RBFOX1: variants seen among roughly 807,000 people sequenced by gnomAD.
The protein encoded by RBFOX1 is RNA binding fox-1 homolog 1, also known as RNA binding protein fox-1 homolog 1.
Under a neutral mutation model 57.7 loss-of-function variants are expected in RBFOX1, and 8 were observed. The observed-to-expected ratio is 0.14, with a 90% CI of 0.08 to 0.25. The LOEUF is 0.25. RBFOX1 is among the 10% of genes least tolerant of loss of function. The pLI is 1.00. For missense variants in RBFOX1, 611 were observed against 548.5 expected (o/e 1.11, Z -1.14); for synonymous variants, 326 against 222.4 (o/e 1.47, Z -4.15).
chr16:6,859,913 G>C (rs548166187), intron 3 of RBFOX1, among the ~76,000 whole-genome samples: 1 of 152,140 alleles, frequency 6.6e-6, no homozygotes, highest in African/African-American at 2.4e-5. Flanking sequence ...TTATTGATGA[G>C]GGCTGATTAA....
At chr16:6,819,725 A>T (rs2090912377) in intron 3 of RBFOX1, among the ~76,000 whole-genome samples, 1 of 141,496 alleles carries the variant, frequency 7.1e-6, no homozygotes, top group Non-Finnish European at 1.5e-5. Flanking sequence ...AAAAAAAAAA[A>T]AAAAAATAAC....
chr16:6,971,102 T>C (rs1457678221), intron 3 of RBFOX1, among the ~76,000 whole-genome samples: 1 of 152,192 alleles, frequency 6.6e-6, no homozygotes, highest in African/African-American at 2.4e-5. Context: ...ATGGTAGTTA[T>C]AATCTAGCGG....
chr16:6,998,873 A>G (rs1458095160), intron 3 of RBFOX1, among the ~76,000 whole-genome samples: 32 of 151,798 alleles, frequency 2.1e-4, no homozygotes, highest in East Asian at 1.9e-4. Flanking sequence ...AAGTATTATT[A>G]TTATTATTAT....
intron 3 of RBFOX1, among the ~76,000 whole-genome samples, chr16:7,049,351 G>C (rs139222027): frequency 5.3e-5 from 8 of 152,288 alleles, no homozygotes; most frequent in East Asian, 3.9e-4. Context: ...TAGATGTTAA[G>C]TGTCTGCAGC....
intron 4 of RBFOX1, among the ~76,000 whole-genome samples, chr16:7,288,944 G>A (rs1297861805): frequency 6.6e-6 from 1 of 152,214 alleles, no homozygotes; most frequent in Non-Finnish European, 1.5e-5. Context: ...TTTGTCTGGT[G>A]AGAGGCAGGG....
At chr16:6,920,919 G>C (rs1164991020) in intron 3 of RBFOX1, among the ~76,000 whole-genome samples, 1 of 152,190 alleles carries the variant, frequency 6.6e-6, no homozygotes, top group East Asian at 1.9e-4. Flanking sequence ...CTTGGACATA[G>C]GTTTTTGCAG....
intron 4 of RBFOX1, among the ~76,000 whole-genome samples, chr16:7,139,143 C>G (rs918050466): frequency 3.5e-4 from 48 of 135,618 alleles, no homozygotes; most frequent in African/African-American, 1.3e-3. Flanking sequence ...GTCTGGACAT[C>G]TCTTTTATAA....
At chr16:6,272,481 A>G (rs2152677981) in intron 1 of RBFOX1, among the ~76,000 whole-genome samples, 1 of 152,322 alleles carries the variant, frequency 6.6e-6, no homozygotes, top group East Asian at 1.9e-4. Context: ...ATGGATTGGA[A>G]GGCTCATCAT....
intron 1 of RBFOX1, among the ~76,000 whole-genome samples, chr16:6,213,315 G>T (rs938638285): frequency 6.6e-6 from 1 of 152,120 alleles, no homozygotes; most frequent in Non-Finnish European, 1.5e-5. Flanking sequence ...CAGCTCAGCT[G>T]ATCTGTTCCA....
At chr16:5,595,554 T>C (rs1300622857) in intron 2 of RBFOX1, among the ~76,000 whole-genome samples, 3 of 152,148 alleles carry the variant, frequency 2.0e-5, no homozygotes, top group African/African-American at 7.2e-5. Flanking sequence ...GGGTTGCAGA[T>C]CAGATCTTCT....
intron 3 of RBFOX1, among the ~76,000 whole-genome samples, chr16:6,982,089 C>G (rs1270701758): frequency 6.6e-6 from 1 of 152,086 alleles, no homozygotes; most frequent in South Asian, 2.1e-4. Context: ...GTTTATATAA[C>G]AAGAATGTGG....
chr16:6,872,429 A>G lies in RBFOX1; in HGVS notation c.-15-179628A>G, dbSNP rs1020083037. Among the ~76,000 whole-genome samples, 62 of 152,216 alleles carry G rather than the reference A, an allele frequency of 4.1e-4. 2 individuals carry two copies. Among genetic ancestry groups the G allele is most frequent in the Admixed American group, 6.5e-5 (1 of 15,290 alleles). ...TTAATCGATCACCTTTTAACACTTT[A>G]AGAACTATTTCTAAAAACTCAACTT... On this transcript the variant is annotated intron_variant, in intron 3 of 15. Transcript: ENST00000550418.
At chr16:6,225,613 C>A (rs1598536182) in intron 1 of RBFOX1, among the ~76,000 whole-genome samples, 1 of 152,122 alleles carries the variant, frequency 6.6e-6, no homozygotes, top group South Asian at 2.1e-4. Flanking sequence ...ACAATGAAAA[C>A]TGGAAGAAAG....
intron 1 of RBFOX1, among the ~76,000 whole-genome samples, chr16:6,051,440 G>A (rs1240013646): frequency 1.3e-5 from 2 of 152,128 alleles, no homozygotes; most frequent in African/African-American, 2.4e-5. Flanking sequence ...CGATTCTCAT[G>A]CCTCCACCTT....
chr16:7,597,060 G>A (rs1414780926), intron 8 of RBFOX1, among the ~76,000 whole-genome samples: 1 of 152,026 alleles, frequency 6.6e-6, no homozygotes, highest in Non-Finnish European at 1.5e-5. Context: ...TGTTACCATG[G>A]AGTACACGCA....
chr16:6,183,450 A>G (rs2152795437), intron 1 of RBFOX1, among the ~76,000 whole-genome samples: 1 of 151,836 alleles, frequency 6.6e-6, no homozygotes, highest in Non-Finnish European at 1.5e-5. Context: ...ATTGTGCTCC[A>G]GTCTGGGTGA....
intron 4 of RBFOX1, among the ~76,000 whole-genome samples, chr16:7,249,569 T>G (rs568123187): frequency 2.0e-5 from 3 of 151,194 alleles, no homozygotes; most frequent in Admixed American, 2.0e-4. Flanking sequence ...CTATATATTA[T>G]GAAAATTTCC....
chr16:7,559,294 A>G (rs186979284), intron 5 of RBFOX1, among the ~76,000 whole-genome samples: 7 of 149,980 alleles, frequency 4.7e-5, no homozygotes. Context: ...TACGTTATAT[A>G]CATTATACAT....
intron 4 of RBFOX1, among the ~76,000 whole-genome samples, chr16:7,081,631 ACACCT>A (rs2059217040): frequency 6.6e-6 from 1 of 152,186 alleles, no homozygotes; most frequent in African/African-American, 2.4e-5. Context: ...TCATCTCACT[ACACCT>A]GTGTTGTATA....
Sources: allele counts gnomAD v4.1 joint callset (sites outside exome capture counted in the v4.1 genomes callset), GRCh38; gene constraint gnomAD v4.1.1; transcripts MANE v1.5; gene names NCBI Gene and HGNC (gene_info 2026-07-23, HGNC 2026-07-21).